COL11A1: variants seen among roughly 807,000 people sequenced by gnomAD.
COL11A1 encodes the protein collagen type XI alpha 1 chain.
A neutral mutation model predicts 265.2 loss-of-function variants in COL11A1; 74 were observed. The ratio of observed to expected loss-of-function variants is 0.28; its 90% CI spans 0.23 to 0.34. COL11A1 has a LOEUF of 0.34. Ranked by LOEUF, COL11A1 falls within the 10% of genes least tolerant of loss-of-function variation. COL11A1 has a pLI of 1.00. For missense variants in COL11A1, 2,165 were observed against 2,263.6 expected (o/e 0.96, Z 0.88); for synonymous variants, 816 against 727.6 (o/e 1.12, Z -1.96).
At chr1:102,907,991 T>C (rs1238420100) in intron 54 of COL11A1, among the ~76,000 whole-genome samples, 32 of 152,068 alleles carry the variant, frequency 2.1e-4, no homozygotes, top group Admixed American at 2.0e-3. Flanking sequence ...ACTATTTCCC[T>C]AAAGTGGCAG....
At chr1:103,089,235 C>T (rs1673112349) in intron 1 of COL11A1, among the ~76,000 whole-genome samples, 1 of 152,124 alleles carries the variant, frequency 6.6e-6, no homozygotes, top group African/African-American at 2.4e-5. Flanking sequence ...GTTTAATGTG[C>T]AGCCAGGGTT....
In COL11A1 at chr1:103,002,282, A is replaced by G. The variant is rs531027313; in HGVS notation, c.2097+146T>C. On this transcript the variant is annotated intron_variant, in intron 23 of 66. Coordinates refer to ENST00000370096, the MANE Select transcript of COL11A1 (RefSeq NM_001854.4). The stretch of plus-strand genomic sequence containing the variant: ...TCTGCAAGTTTGCTCAAATTTTTTT[A>G]AAAAAAGAAAAGTATGTATTTTCCT... The G allele has an allele frequency of 9.9e-4, 842 of 849,300 alleles. 4 individuals carry two copies. The highest frequency in any genetic ancestry group is 1.5e-3 in the Non-Finnish European group (796 of 534,498). 52.6% of individuals were successfully genotyped at this position (849,300 alleles called of 1,614,324 possible).
chr1:102,902,645 T>C (rs1289568797), intron 54 of COL11A1, among the ~76,000 whole-genome samples: 1 of 151,908 alleles, frequency 6.6e-6, no homozygotes, highest in East Asian at 1.9e-4. Flanking sequence ...ATGACCTTAC[T>C]TGGAAGGCAC....
Position 103,004,679 on chromosome 1 carries a change from A to G in COL11A1, c.1846-18T>C. Reference sequence around the variant, plus strand: ...CGTTCACCCTGTTAAATCAATACAAATAAGATTAGCATATGGAAAGAAGTA... The same window carrying G: ...CGTTCACCCTGTTAAATCAATACAAGTAAGATTAGCATATGGAAAGAAGTA... On this transcript the variant is annotated intron_variant, in intron 18 of 66. Transcript: ENST00000370096. The G allele has an allele frequency of 6.2e-7, 1 of 1,601,086 alleles. No individual in the cohort carries two copies. The highest frequency in any genetic ancestry group is 8.5e-7 in the Non-Finnish European group (1 of 1,170,918).
At chr1:103,079,612 A>T (rs1377347328) in intron 2 of COL11A1, among the ~76,000 whole-genome samples, 1 of 152,032 alleles carries the variant, frequency 6.6e-6, no homozygotes, top group Non-Finnish European at 1.5e-5. Flanking sequence ...ATGAGTACTT[A>T]TATTTTTATA....
chr1:102,949,115 A>G (rs896835080), intron 41 of COL11A1, among the ~76,000 whole-genome samples: 2 of 152,120 alleles, frequency 1.3e-5, no homozygotes, highest in African/African-American at 2.4e-5. Context: ...TTTTGGTAAC[A>G]GAAACACATC....
chr1:103,108,195 C>A lies in COL11A1; in HGVS notation c.-17G>T. On this transcript the variant is annotated 5_prime_UTR_variant, in exon 1 of 67. Coordinates refer to ENST00000370096, the MANE Select transcript of COL11A1 (RefSeq NM_001854.4). ...CGGCTCCATCTCCGAGCCCCGCACT[C>A]ACAACTGTGAACTCAACCCACGAAA... 1 of 1,609,076 alleles carries A rather than the reference C, an allele frequency of 6.2e-7. No individual in the cohort carries two copies. The highest frequency in any genetic ancestry group is 8.5e-7 in the Non-Finnish European group (1 of 1,176,018).
At position 103,022,944 on chromosome 1, in the gene COL11A1, T is replaced by A. The variant is rs539811607; in HGVS notation, c.1043A>T (p.Tyr348Phe). 1.4e-5 allele frequency: 22 copies of A among 1,613,440 alleles called. No homozygotes were observed. In the South Asian group the frequency reaches 2.2e-4, roughly 16 times the overall value. ...CTCAGAATTTTTCCTCTGGGAATCA[T>A]AATCCTCTCCCGTTAGATATTCTTC... The part of the protein sequence containing the change: ...FTEEYLTGED[Y>F]DSQRKNSEDT... Residue 348 changes from tyrosine (Y) to phenylalanine (F), a missense_variant, in exon 8 of 67, where the codon TAT becomes TTT. By Grantham distance (22) the Tyr-to-Phe change is conservative (BLOSUM62 3). Coordinates refer to ENST00000370096, the MANE Select transcript of COL11A1 (RefSeq NM_001854.4).
At chr1:102,906,609 T>C (rs1340333410) in intron 54 of COL11A1, among the ~76,000 whole-genome samples, 1 of 152,078 alleles carries the variant, frequency 6.6e-6, no homozygotes, top group African/African-American at 2.4e-5. Context: ...AGGGTCTCAC[T>C]ATGTTGTCTC....
chr1:103,047,847 T>C (rs1669432787), intron 4 of COL11A1, among the ~76,000 whole-genome samples: 1 of 152,212 alleles, frequency 6.6e-6, no homozygotes, highest in South Asian at 2.1e-4. Flanking sequence ...CTTTTCAGCA[T>C]CTATTGAGAT....
At chr1:103,107,732 A>G (rs1282863281) in intron 1 of COL11A1, among the ~76,000 whole-genome samples, 2 of 152,112 alleles carry the variant, frequency 1.3e-5, no homozygotes, top group African/African-American at 2.4e-5. Context: ...CTGTGCCTCA[A>G]ACAAAAGCTT....
chr1:102,992,668 A>T (rs897959590), intron 28 of COL11A1, among the ~76,000 whole-genome samples: 1 of 152,102 alleles, frequency 6.6e-6, no homozygotes, highest in Admixed American at 6.6e-5. Context: ...TATAATTTAG[A>T]AAACTAAATT....
intron 46 of COL11A1, among the ~76,000 whole-genome samples, chr1:102,929,924 T>A (rs980932009): frequency 2.0e-5 from 3 of 152,200 alleles, no homozygotes; most frequent in African/African-American, 7.2e-5. Context: ...ATGCTTGTGA[T>A]TTTAGTACAT....
At chr1:102,889,622 G>C (rs1191497980) in intron 58 of COL11A1, 60 bp from the exon 59 acceptor site, 3 of 1,229,766 alleles carry the variant, frequency 2.4e-6, no homozygotes, top group Non-Finnish European at 3.6e-6. Flanking sequence ...TAAAATTTTA[G>C]TTATAAAATA....
intron 4 of COL11A1, among the ~76,000 whole-genome samples, chr1:103,060,225 C>T (rs1212876959): frequency 1.3e-5 from 2 of 152,028 alleles, no homozygotes; most frequent in Non-Finnish European, 2.9e-5. Flanking sequence ...GAGAAAAATA[C>T]CACCAAACTA....
At chr1:103,068,425 A>G (rs1160003994) in intron 4 of COL11A1, among the ~76,000 whole-genome samples, 1 of 151,678 alleles carries the variant, frequency 6.6e-6, no homozygotes, top group Non-Finnish European at 1.5e-5. Context: ...TATTTAGGAA[A>G]CTAAGACAAA....
At chr1:103,005,803 C>T (rs1571008088) in intron 18 of COL11A1, 35 bp downstream of exon 18, 2 of 1,610,454 alleles carry the variant, frequency 1.2e-6, no homozygotes, top group East Asian at 4.5e-5. Flanking sequence ...TATTTTATAA[C>T]ATTCCCTGGA....
chr1:102,937,253 T>C (rs901217554), intron 44 of COL11A1, among the ~76,000 whole-genome samples: 1 of 152,156 alleles, frequency 6.6e-6, no homozygotes, highest in Admixed American at 6.5e-5. Flanking sequence ...GGCAAAAATA[T>C]TTGAGATTTG....
chr1:103,008,974 G>T (rs1457233024), intron 14 of COL11A1, among the ~76,000 whole-genome samples: 1 of 152,166 alleles, frequency 6.6e-6, no homozygotes, highest in African/African-American at 2.4e-5. Context: ...ACTCTGAATT[G>T]TATGATAATA....
Sources: gnomAD v4.1 joint callset for allele counts (sites outside exome capture counted in the v4.1 genomes callset) on GRCh38, gnomAD v4.1.1 for gene constraint, MANE v1.5 for transcripts, NCBI Gene and HGNC (gene_info 2026-07-23, HGNC 2026-07-21) for gene names.